The following SYNPR variants were observed in gnomAD, a reference collection of about 807,000 sequenced individuals.
The protein encoded by SYNPR is synaptoporin.
A neutral mutation model predicts 32.9 loss-of-function variants in SYNPR; 23 were observed. The observed-to-expected ratio is 0.70, with a 90% CI of 0.50 to 0.99. SYNPR has a LOEUF of 0.99. SYNPR is among the 50% of genes least tolerant of loss of function. The pLI, the probability that SYNPR is intolerant of heterozygous loss-of-function variation, is 0.00. For missense variants in SYNPR, 318 were observed against 349.3 expected (o/e 0.91, Z 0.71); for synonymous variants, 146 against 135.9 (o/e 1.07, Z -0.52).
chr3:63,557,589 GT>G (rs2106829358), intron 4 of SYNPR, among the ~76,000 whole-genome samples: 1 of 152,234 alleles, frequency 6.6e-6, no homozygotes, highest in South Asian at 2.1e-4. Context: ...ATATAAGGAG[GT>G]TTACTATTTT....
intron 2 of SYNPR, among the ~76,000 whole-genome samples, chr3:63,318,366 T>G (rs1442825267): frequency 6.6e-6 from 1 of 152,018 alleles, no homozygotes; most frequent in African/African-American, 2.4e-5. Context: ...CTTTTAGAAT[T>G]CTCTTCTTCC....
intron 2 of SYNPR, among the ~76,000 whole-genome samples, chr3:63,418,807 G>T (rs1575634349): frequency 6.6e-6 from 1 of 152,130 alleles, no homozygotes; most frequent in African/African-American, 2.4e-5. Context: ...CCTCCCACTT[G>T]TGGGAATTCT....
intron 3 of SYNPR, among the ~76,000 whole-genome samples, chr3:63,487,561 A>G (rs1701179897): frequency 2.0e-5 from 3 of 152,282 alleles, no homozygotes; most frequent in African/African-American, 7.2e-5. Flanking sequence ...ACAAATGGCC[A>G]GTTTGTTATA....
chr3:63,339,731 C>T (rs1027330837), intron 2 of SYNPR, among the ~76,000 whole-genome samples: 8 of 151,354 alleles, frequency 5.3e-5, no homozygotes, highest in African/African-American at 1.5e-4. Context: ...GATCTCAGCT[C>T]GCGTCAACCT....
At chr3:63,263,317 G>A (rs2086454820) in intron 2 of SYNPR, among the ~76,000 whole-genome samples, 1 of 152,120 alleles carries the variant, frequency 6.6e-6, no homozygotes, top group Non-Finnish European at 1.5e-5. Flanking sequence ...AGATTCTTTA[G>A]CCTTCACATT....
intron 3 of SYNPR, among the ~76,000 whole-genome samples, chr3:63,551,873 T>C (rs3930449): frequency 0.11 from 3,768 of 32,854 alleles, 157 homozygotes; most frequent in African/African-American, 0.33. Context: ...ATCTAGCTAT[T>C]TATTTATTTA....
intron 2 of SYNPR, among the ~76,000 whole-genome samples, chr3:63,422,085 T>C (rs943547142): frequency 2.6e-5 from 4 of 152,226 alleles, no homozygotes; most frequent in Non-Finnish European, 5.9e-5. Context: ...GAGTGTTGTA[T>C]CATTATTTTT....
chr3:63,211,698 T>C, the SYNPR span, among the ~76,000 whole-genome samples: 1 of 117,280 alleles, frequency 8.5e-6, no homozygotes, highest in Admixed American at 9.7e-5. Flanking sequence ...AAGAAGAAGC[T>C]TGAATCTTTC....
intron 2 of SYNPR, among the ~76,000 whole-genome samples, chr3:63,366,930 T>C (rs1001920055): frequency 6.6e-6 from 1 of 152,212 alleles, no homozygotes; most frequent in Non-Finnish European, 1.5e-5. Context: ...TTCATAAACA[T>C]TAGCTGATAG....
intron 3 of SYNPR, among the ~76,000 whole-genome samples, chr3:63,523,311 A>C (rs2106776304): frequency 6.6e-6 from 1 of 152,166 alleles, no homozygotes; most frequent in East Asian, 1.9e-4. Context: ...GGAGGAGTTT[A>C]CGTCTGGCTT....
the SYNPR span, among the ~76,000 whole-genome samples, chr3:63,218,728 G>A: frequency 6.6e-6 from 1 of 152,096 alleles, no homozygotes; most frequent in Non-Finnish European, 1.5e-5. Flanking sequence ...TTTTCATAAA[G>A]CGATACAAAG....
chr3:63,359,470 G>C (rs2087629042), intron 2 of SYNPR, among the ~76,000 whole-genome samples: 1 of 152,270 alleles, frequency 6.6e-6, no homozygotes, highest in East Asian at 1.9e-4. Flanking sequence ...AAAATAAAAA[G>C]CAAATTCTCT....
intron 4 of SYNPR, among the ~76,000 whole-genome samples, chr3:63,564,943 C>G (rs894102355): frequency 6.6e-6 from 1 of 152,140 alleles, no homozygotes; most frequent in South Asian, 2.1e-4. Flanking sequence ...GGAGTCTGTG[C>G]CTTTGGTGGG....
At chr3:63,257,412 T>A in intron 2 of SYNPR, among the ~76,000 whole-genome samples, 1 of 152,162 alleles carries the variant, frequency 6.6e-6, no homozygotes. Flanking sequence ...GAGGCCAATA[T>A]TCAACATTCT....
chr3:63,510,865 C>T (rs186806787), intron 3 of SYNPR, among the ~76,000 whole-genome samples: 12 of 150,972 alleles, frequency 7.9e-5, no homozygotes, highest in Admixed American at 4.0e-4. Context: ...AAGACTTCTG[C>T]TTTTCAGGGC....
At chr3:63,314,099 C>CCATATATATATATAT in intron 2 of SYNPR, among the ~76,000 whole-genome samples, 4 of 111,248 alleles carry the variant, frequency 3.6e-5, no homozygotes, top group Admixed American at 1.1e-4. Context: ...ATATATATAT[C>CCATATATATATATAT]ACAGTTTCTT....
At chr3:63,598,805 G>A (rs780789514) in intron 4 of SYNPR, among the ~76,000 whole-genome samples, 2 of 152,134 alleles carry the variant, frequency 1.3e-5, no homozygotes, top group Non-Finnish European at 2.9e-5. Context: ...AGCAGAAAAG[G>A]TCTTCAAAGG....
At chr3:63,288,404 G>A (rs2086706226) in intron 2 of SYNPR, among the ~76,000 whole-genome samples, 1 of 152,134 alleles carries the variant, frequency 6.6e-6, no homozygotes, top group Admixed American at 6.5e-5. Context: ...AAGTAGCACT[G>A]GTAATTTTCT....
At chr3:63,473,093 C>A (rs1428658759) in intron 2 of SYNPR, among the ~76,000 whole-genome samples, 1 of 152,150 alleles carries the variant, frequency 6.6e-6, no homozygotes, top group African/African-American at 2.4e-5. Context: ...AAATGCACAG[C>A]CCAAATGTGC....
Sources: allele counts gnomAD v4.1 joint callset (sites outside exome capture counted in the v4.1 genomes callset), GRCh38; gene constraint gnomAD v4.1.1; transcripts MANE v1.5; gene names NCBI Gene and HGNC (gene_info 2026-07-23, HGNC 2026-07-21).